RALGPS1: variants seen among roughly 807,000 people sequenced by gnomAD.
The protein encoded by RALGPS1 is Ral GEF with PH domain and SH3 binding motif 1, also known as ras-specific guanine nucleotide-releasing factor RalGPS1.
RALGPS1 carries 19 observed loss-of-function variants against 78.8 expected under a neutral mutation model. That is an observed-to-expected ratio of 0.24 (90% CI 0.17 to 0.35). RALGPS1 has a LOEUF of 0.35. Ranked by LOEUF, RALGPS1 falls within the 10% of genes least tolerant of loss-of-function variation. RALGPS1 has a pLI of 1.00. For missense variants in RALGPS1, 454 were observed against 688.3 expected, an observed-to-expected ratio of 0.66 and a Z score of 3.81; for synonymous variants, 228 against 256.3, an observed-to-expected ratio of 0.89 and a Z score of 1.06.
chr9:127,051,765 A>G (rs953293296), intron 6 of RALGPS1, among the ~76,000 whole-genome samples: 1 of 152,212 alleles, frequency 6.6e-6, no homozygotes, highest in Non-Finnish European at 1.5e-5. Context: ...CAGAGACACC[A>G]TGGTAGACAA....
In RALGPS1 at chr9:127,183,870, C is replaced by T. The variant is rs1008558171; in HGVS notation, c.910+9088C>T. ...TCACATCTCCTTTGTTCTTGAGTCT[C>T]CCATCTCAGCAGCCTGTCACATCAA... On this transcript the variant is annotated intron_variant, in intron 11 of 18. Coordinates refer to ENST00000259351, the MANE Select transcript of RALGPS1 (RefSeq NM_014636.3). This position sits in a 1 kb window ranked among gnomAD's most constrained non-coding sequence, Gnocchi z 4.0. 3.2e-6 allele frequency: 5 copies of T among 1,548,282 alleles called. No homozygotes were observed. The highest frequency in any genetic ancestry group is 1.4e-5 in the African/African-American group (1 of 72,930).
In RALGPS1 at chr9:127,174,309, GAAAGA is replaced by G. The variant is rs796252243; in HGVS notation, c.843-402_843-398del. ...AGAAAGAGAAAGAAAGAGAAAGAAA[GAAAGA>G]AAAAAAAAGAAAAGAAAGAAAAAAC... On this transcript the variant is annotated intron_variant, in intron 10 of 18. Coordinates refer to ENST00000259351, the MANE Select transcript of RALGPS1 (RefSeq NM_014636.3). Among the ~76,000 whole-genome samples, 586 of 136,364 alleles carry G rather than the reference GAAAGA, an allele frequency of 4.3e-3. 6 individuals are homozygous for G. The highest frequency in any genetic ancestry group is 0.02 in the African/African-American group (555 of 27,752). The allele number at this position is 136,364 out of a possible 152,430, so 89.5% of individuals were successfully genotyped here. A position where few individuals can be genotyped will look rare whatever the true frequency, so the allele number is the denominator to read the frequency against.
At chr9:127,113,266 G>A (rs1204097180) in intron 8 of RALGPS1, among the ~76,000 whole-genome samples, 1 of 152,150 alleles carries the variant, frequency 6.6e-6, no homozygotes, top group Non-Finnish European at 1.5e-5. Flanking sequence ...AACAGCCAAA[G>A]GTGACTGAGC....
In RALGPS1 at chr9:127,089,251, G is replaced by A. The variant is rs2052153643; in HGVS notation, c.610+19895G>A. ...TCTGGGAGGCATCTGGAGCAAGAAC[G>A]CTTGAAAGGTGGACCCGTCTCCATG... On this transcript the variant is annotated intron_variant, in intron 8 of 18. Transcript: ENST00000259351. The A allele has an allele frequency of 9.6e-6, 11 of 1,141,864 alleles. No individual in the cohort carries two copies. The East Asian group carries it at 1.7e-4, about 18-fold the overall frequency. 70.7% of individuals were successfully genotyped at this position (1,141,864 alleles called of 1,614,324 possible).
chr9:127,042,415 A>G (rs963845680), intron 5 of RALGPS1, among the ~76,000 whole-genome samples: 2 of 152,160 alleles, frequency 1.3e-5, no homozygotes, highest in African/African-American at 4.8e-5. Flanking sequence ...TAGAAAAATC[A>G]TATTATTATA....
intron 8 of RALGPS1, among the ~76,000 whole-genome samples, chr9:127,128,284 T>G (rs1238333538): frequency 1.3e-5 from 2 of 152,258 alleles, no homozygotes; most frequent in East Asian, 3.8e-4. Context: ...ACTTTGCTAT[T>G]GTGAACAGTG....
Position 127,059,529 on chromosome 9 carries a change from G to A in RALGPS1, c.483+6590G>A, listed in dbSNP as rs559663350. Among the ~76,000 whole-genome samples, 36 of 152,140 alleles carry A rather than the reference G, an allele frequency of 2.4e-4. No individual in the cohort carries two copies. In the South Asian group the frequency reaches 7.3e-3, roughly 31 times the overall value. On this transcript the variant is annotated intron_variant, in intron 7 of 18. Transcript: ENST00000259351. ...CCCTTGGCTTAATTTTCTTCCTCTT[G>A]ACTTCTTTTGTTGCTATGGATGTGG...
chr9:127,174,789 T>C lies in RALGPS1; in HGVS notation c.910+7T>C. The stretch of plus-strand genomic sequence containing the variant: ...TCCAAGGAAGATCTTGCAGGTATCG[T>C]AGCTACCTCGAGTGGGAGCAAACCC... On this transcript the variant is annotated splice_region_variant and intron_variant, in intron 11 of 18. Coordinates refer to ENST00000259351, the MANE Select transcript of RALGPS1 (RefSeq NM_014636.3). 1 of 1,613,316 alleles carries C rather than the reference T, an allele frequency of 6.2e-7. No homozygotes were observed. The highest frequency in any genetic ancestry group is 8.5e-7 in the Non-Finnish European group (1 of 1,179,370).
intron 8 of RALGPS1, among the ~76,000 whole-genome samples, chr9:127,164,912 A>G (rs60967798): frequency 0.04 from 6,142 of 152,270 alleles, 424 homozygotes; most frequent in African/African-American, 0.14. Context: ...ATGTATATAT[A>G]TGTGTATGAT....
intron 8 of RALGPS1, chr9:127,093,940 CAT>C: frequency 6.2e-7 from 1 of 1,611,750 alleles, no homozygotes; most frequent in Non-Finnish European, 8.5e-7. Flanking sequence ...GGGACACAGA[CAT>C]GCATATACAT....
intron 10 of RALGPS1, among the ~76,000 whole-genome samples, chr9:127,174,325 AAAG>A (rs1228879119): frequency 3.3e-5 from 5 of 152,122 alleles, no homozygotes. Flanking sequence ...AAAAAAAAGA[AAAG>A]AAAGAAAAAA....
chr9:126,989,086 A>G (rs2042053629), intron 4 of RALGPS1, among the ~76,000 whole-genome samples: 1 of 151,678 alleles, frequency 6.6e-6, no homozygotes, highest in African/African-American at 2.4e-5. Context: ...CATCATCAGC[A>G]TCATCATCAT....
At chr9:127,074,332 A>C (rs1766231) in intron 8 of RALGPS1, among the ~76,000 whole-genome samples, 72,096 of 152,016 alleles carry the variant, frequency 0.47, 17,624 homozygotes, top group Non-Finnish European at 0.52. Flanking sequence ...AATTCTATTT[A>C]TTTCTTTTTT....
chr9:126,990,180 G>A (rs1290727794), intron 4 of RALGPS1: 1 of 699,702 alleles, frequency 1.4e-6, no homozygotes, highest in Admixed American at 3.0e-5. Flanking sequence ...TTGTAAAGTG[G>A]AGATTGGTTT....
At chr9:127,057,620 C>T (rs2048852927) in intron 7 of RALGPS1, among the ~76,000 whole-genome samples, 1 of 152,212 alleles carries the variant, frequency 6.6e-6, no homozygotes, top group African/African-American at 2.4e-5. Flanking sequence ...ATGATTTATC[C>T]CAGCACTGGG....
chr9:126,924,136 A>G (rs1444643681), intron 1 of RALGPS1, among the ~76,000 whole-genome samples: 1 of 152,208 alleles, frequency 6.6e-6, no homozygotes, highest in East Asian at 1.9e-4. Flanking sequence ...ATGAACTGGA[A>G]CATGTCCATA....
chr9:127,156,253 T>C (rs973164964), intron 8 of RALGPS1, among the ~76,000 whole-genome samples: 5 of 152,226 alleles, frequency 3.3e-5, no homozygotes, highest in African/African-American at 1.2e-4. Flanking sequence ...ACATTTCTTA[T>C]TAATGTTTGT....
chr9:126,943,528 A>G (rs920200445), intron 1 of RALGPS1, among the ~76,000 whole-genome samples: 5 of 152,126 alleles, frequency 3.3e-5, no homozygotes, highest in South Asian at 2.1e-4. Flanking sequence ...TTCATAGTCT[A>G]TTAGTCGAGG....
intron 11 of RALGPS1, among the ~76,000 whole-genome samples, chr9:127,189,698 A>G (rs1298550949): frequency 6.6e-6 from 1 of 152,120 alleles, no homozygotes; most frequent in Non-Finnish European, 1.5e-5. Flanking sequence ...GGGACCCCAA[A>G]GGACAGCTCA....
Sources: gnomAD v4.1 joint callset for allele counts (sites outside exome capture counted in the v4.1 genomes callset) on GRCh38, gnomAD v4.1.1 for gene constraint, Gnocchi (gnomAD v3.1) non-coding constraint, MANE v1.5 for transcripts, NCBI Gene and HGNC (gene_info 2026-07-23, HGNC 2026-07-21) for gene names.